Variants in WDR87 observed in about 807,000 individuals in gnomAD.
WDR87 encodes the protein WD repeat-containing protein 87.
In WDR87, 56 loss-of-function variants were observed where a neutral mutation model predicts 83.3. That is an observed-to-expected ratio of 0.67 (90% CI 0.54 to 0.84). WDR87 has a LOEUF of 0.84. WDR87 is among the 40% of genes least tolerant of loss of function. WDR87 has a pLI of 0.00. For synonymous variants in WDR87, 1,173 were observed against 1,250.6 expected, an observed-to-expected ratio of 0.94 and a Z score of 1.31; for missense variants, 2,939 against 3,431.9, an observed-to-expected ratio of 0.86 and a Z score of 3.59.
chr19:37,890,042 C>T lies in WDR87; in HGVS notation c.3629G>A (p.Arg1210Lys), dbSNP rs1294349929. Residue 1210 changes from arginine (R) to lysine (K), a missense_variant, in exon 6 of 6, where the codon AGG (arginine) becomes AAG (lysine). Arg to Lys is a conservative substitution (Grantham distance 26). This residue lies in a region of WDR87 where 2,160 missense variants were observed against 2,533.1 expected (regional missense o/e 0.85). Transcript: ENST00000447313. ...SKDHIALTLK[R>K]LQKIRDKRDK... ...TCTTTTGTCACGTATTTTCTGCAGC[C>T]TCTTCAGGGTCAATGCAATGTGATC... 1.3e-6 allele frequency: 2 copies of T among 1,551,654 alleles called. No homozygotes were observed. Among genetic ancestry groups the T allele is most frequent in the Non-Finnish European group, 1.7e-6 (2 of 1,147,002 alleles).
chr19:37,898,168 G>C lies in WDR87; in HGVS notation c.72C>G (p.Ser24Arg), dbSNP rs2046270845. The C allele has an allele frequency of 6.4e-7, 1 of 1,551,528 alleles. No individual in the cohort carries two copies. Among genetic ancestry groups the C allele is most frequent in the South Asian group, 1.2e-5 (1 of 84,062 alleles). Residue 24 changes from serine to arginine, a missense_variant, in exon 2 of 6, where the codon AGC becomes AGG. By Grantham distance (110) the Ser-to-Arg change is moderately radical (BLOSUM62 -1). Transcript: ENST00000447313. ...TTATGTCCTACATATACATTACCTT[G>C]CTTTTATTTATGGTGTCATTTAGGA... ...KLLLNDTINK[S>R]KQPSEDPKNC...
rs1568448578 is a variant in WDR87 at position 37,886,953 on chromosome 19, T to C, written c.6718A>G (p.Lys2240Glu). The change falls in exon 6 of 6, where the codon AAA (lysine) becomes GAA (glutamate). Residue 2240 changes from lysine to glutamate, a missense_variant. By Grantham distance (56) the Lys-to-Glu change is moderately conservative. Around this residue, in one of 3 missense-constraint regions of WDR87, gnomAD observed 2,160 missense variants for 2,533.1 expected, o/e 0.85. Transcript: ENST00000447313. The stretch of plus-strand genomic sequence containing the variant: ...GGTTTGTCACCTCTCTTGGCCTCTT[T>C]CCTCTTTCTCCACCTTCGTTTAAGG... The part of the protein sequence containing the change: ...PFLKRRWRKR[K>E]EAKRGDKPKE... The C allele has an allele frequency of 2.6e-6, 4 of 1,551,976 alleles. No homozygotes were observed. Among genetic ancestry groups the C allele is most frequent in the South Asian group, 1.2e-5 (1 of 83,986 alleles).
intron 2 of WDR87, among the ~76,000 whole-genome samples, chr19:37,897,018 T>A (rs1039818272): frequency 6.6e-6 from 1 of 152,170 alleles, no homozygotes; most frequent in African/African-American, 2.4e-5. Context: ...TACGCACACA[T>A]GGAATATAGC....
At position 37,885,352 on chromosome 19, in the gene WDR87, A is replaced by G. The variant is rs2046134044; in HGVS notation, c.8319T>C (p.His2773=). ...PLWETFVALY[H]VLRMLQQRYP... is the part of the protein sequence containing the mutation. ...ATCGCTGCTGCAGCATCCGCAAAAC[A>G]TGGTACAGTGCCACAAATGTCTCCC... The change falls in exon 6 of 6, where the codon CAT becomes CAC. Residue 2773 remains histidine (H), a synonymous_variant. Coordinates refer to ENST00000447313, the MANE Select transcript of WDR87 (RefSeq NM_001291088.2). The G allele has an allele frequency of 1.3e-6, 2 of 1,551,614 alleles. No individual in the cohort carries two copies. The highest frequency in any genetic ancestry group is 2.7e-5 in the African/African-American group (2 of 73,024).
Position 37,893,433 on chromosome 19 carries a change from C to T in WDR87, c.2270G>A (p.Ser757Asn). 1 of 1,552,144 alleles carries T rather than the reference C, an allele frequency of 6.4e-7. No homozygotes were observed. Among genetic ancestry groups the T allele is most frequent in the Non-Finnish European group, 8.7e-7 (1 of 1,147,108 alleles). The change falls in exon 4 of 6, where the codon AGC becomes AAC. Residue 757 changes from serine (S) to asparagine (N), a missense_variant. Ser to Asn is a conservative substitution (Grantham distance 46). Coordinates refer to ENST00000447313, the MANE Select transcript of WDR87 (RefSeq NM_001291088.2). ...PHVIEEDEEG[S>N]PVLLRSSMHY... Reference sequence around the variant, plus strand: ...CATGGAGGAACGCAGTAACACTGGGCTCCCTTCCTCATCTTCTTCTATCAC... The same window carrying T: ...CATGGAGGAACGCAGTAACACTGGGTTCCCTTCCTCATCTTCTTCTATCAC...
intron 5 of WDR87, 115 bp downstream of exon 5, chr19:37,891,437 C>T (rs112466758): frequency 8.2e-6 from 11 of 1,335,862 alleles, no homozygotes; most frequent in African/African-American, 1.5e-5. Flanking sequence ...GCTGGAATTA[C>T]AGGCATGAGC....
Position 37,889,711 on chromosome 19 carries a change from G to T in WDR87, c.3960C>A (p.His1320Gln), listed in dbSNP as rs367790255. The T allele has an allele frequency of 2.5e-5, 39 of 1,551,598 alleles. No homozygotes were observed. The African/African-American group carries it at 4.7e-4, about 19-fold the overall frequency. Reference protein sequence around the residue: ...TFAQEMLVDRHPSWELFQEIC... With the variant: ...TFAQEMLVDRQPSWELFQEIC... ...TCTCCTGAAAGAGTTCCCAGCTGGG[G>T]TGCCTATCTACCAGCATCTCCTGAG... Residue 1320 changes from histidine (H) to glutamine (Q), a missense_variant, in exon 6 of 6, where the codon CAC becomes CAA. Physicochemically the swap from His to Gln is conservative, Grantham distance 24. Transcript: ENST00000447313.
chr19:37,900,649 G>A (rs71354957), intron 1 of WDR87, among the ~76,000 whole-genome samples: 4 of 150,514 alleles, frequency 2.7e-5, no homozygotes, highest in Non-Finnish European at 5.9e-5. Context: ...CTGATGCTCA[G>A]AAGGCTCTCC....
chr19:37,895,504 A>G lies in WDR87; in HGVS notation c.247-48T>C, dbSNP rs752284657. The G allele has an allele frequency of 2.7e-6, 4 of 1,507,298 alleles. No individual in the cohort carries two copies. In the South Asian group the frequency reaches 5.1e-5, roughly 19 times the overall value. The allele number at this position is 1,507,298 out of a possible 1,614,324, so 93.4% of individuals were successfully genotyped here. A position where few individuals can be genotyped will look rare whatever the true frequency, so the allele number is the denominator to read the frequency against. ...CTGCCTAGGCCGGGTGAGGTGGTTC[A>G]TGCCTGTAATCCCAGCACTTTGGGA... On this transcript the variant is annotated intron_variant, in intron 3 of 5. Transcript: ENST00000447313.
In WDR87 at chr19:37,886,155, T is replaced by A; in HGVS notation, c.7516A>T (p.Met2506Leu). The A allele has an allele frequency of 6.4e-7, 1 of 1,551,740 alleles. No homozygotes were observed. Among genetic ancestry groups the A allele is most frequent in the East Asian group, 2.4e-5 (1 of 40,924 alleles). The stretch of plus-strand genomic sequence containing the variant: ...ACGGTCCTCCTTAATATGTGGGACA[T>A]AAATGGGGTCTTTAAGTCCTGTGCT... ...SQAQDLKTPF[M>L]SHILRRTVEA... The change falls in exon 6 of 6, where the codon ATG becomes TTG. Residue 2506 changes from methionine (M) to leucine (L), a missense_variant. By Grantham distance (15) the Met-to-Leu change is conservative. Around this residue, in one of 3 missense-constraint regions of WDR87, gnomAD observed 2,160 missense variants for 2,533.1 expected, o/e 0.85. Transcript: ENST00000447313.
At chr19:37,900,799 C>CT (rs1469535654) in intron 1 of WDR87, among the ~76,000 whole-genome samples, 2 of 151,826 alleles carry the variant, frequency 1.3e-5, no homozygotes, top group Non-Finnish European at 2.9e-5. Flanking sequence ...CCTGCACTTG[C>CT]TGCTCATTCT....
Position 37,892,807 on chromosome 19 carries a change from G to C in WDR87, c.2896C>G (p.Leu966Val). The stretch of plus-strand genomic sequence containing the variant: ...GGGTTGGAATTGGTTGTATCATTCA[G>C]TAGCCGACGGGCTGTCTCAGAGCGT... ...ALRSETARRL[L>V]NDTTNSNPLI... The change falls in exon 4 of 6, where the codon CTG becomes GTG. Residue 966 changes from leucine (L) to valine (V), a missense_variant. By Grantham distance (32) the Leu-to-Val change is conservative. Around this residue, in one of 3 missense-constraint regions of WDR87, gnomAD observed 2,160 missense variants for 2,533.1 expected, o/e 0.85. Transcript: ENST00000447313. The C allele has an allele frequency of 6.4e-7, 1 of 1,551,788 alleles. No homozygotes were observed. Among genetic ancestry groups the C allele is most frequent in the Non-Finnish European group, 8.7e-7 (1 of 1,147,020 alleles).
Position 37,894,488 on chromosome 19 carries a change from G to C in WDR87, c.1215C>G (p.Pro405=). 1.3e-6 allele frequency: 2 copies of C among 1,551,714 alleles called. No homozygotes were observed. The highest frequency in any genetic ancestry group is 1.7e-6 in the Non-Finnish European group (2 of 1,146,998). ...VTGDLLVITW[P]FSILDQAVDW... ...CCACAGCCTGGTCCAGGATTGAGAA[G>C]GGCCAGGTGATAACCAGAAGGTCCC... Residue 405 remains proline (P), a synonymous_variant, in exon 4 of 6, where the codon CCC becomes CCG. Transcript: ENST00000447313.
chr19:37,891,401 T>A, intron 5 of WDR87, 151 bp downstream of exon 5: 1 of 1,028,354 alleles, frequency 9.7e-7, no homozygotes, highest in Non-Finnish European at 1.4e-6. Context: ...TGACCTCAAG[T>A]GATCTGCCCA....
rs1332023420 is a variant in WDR87, at chr19:37,893,323, G to T, written c.2380C>A (p.Leu794Met). The T allele has an allele frequency of 6.4e-7, 1 of 1,551,746 alleles. No homozygotes were observed. The highest frequency in any genetic ancestry group is 8.7e-7 in the Non-Finnish European group (1 of 1,146,904). The change falls in exon 4 of 6, where the codon CTG (leucine) becomes ATG (methionine). Residue 794 changes from leucine to methionine, a missense_variant. Leu to Met is a conservative substitution (Grantham distance 15). Around this residue, in one of 3 missense-constraint regions of WDR87, gnomAD observed 2,160 missense variants for 2,533.1 expected, o/e 0.85. Transcript: ENST00000447313. ...GGGTTGAGTCCATCCCAGCTAGTCA[G>T]TTGTAGCTGGGGAGGAAGCACATAA... ...CHYVLPPQLQ[L>M]TSWDGLNPYQ...
Position 37,894,923 on chromosome 19 carries a change from G to T in WDR87, c.780C>A (p.Asn260Lys). Residue 260 changes from asparagine (N) to lysine (K), a missense_variant, in exon 4 of 6, where the codon AAC (asparagine) becomes AAA (lysine). Asn to Lys is a moderately conservative substitution (Grantham distance 94, BLOSUM62 0). This residue lies in a region of WDR87 where 553 missense variants were observed against 577.9 expected (regional missense o/e 0.96). Coordinates refer to ENST00000447313, the MANE Select transcript of WDR87 (RefSeq NM_001291088.2). Reference sequence around the variant, plus strand: ...TCCAAACTTGGATTTCCCCAGCTTGGTTTCCAGCATAGAGAAAGCCCTGAT... The same window carrying T: ...TCCAAACTTGGATTTCCCCAGCTTGTTTTCCAGCATAGAGAAAGCCCTGAT... ...CFDQGFLYAG[N>K]QAGEIQVWSL... 6.4e-7 allele frequency: 1 copy of T among 1,551,734 alleles called. No homozygotes were observed.
rs1353905932 is a variant in WDR87, at chr19:37,892,813, G to A, written c.2890C>T (p.Arg964Trp). The change falls in exon 4 of 6, where the codon CGG becomes TGG. Residue 964 changes from arginine (R) to tryptophan (W), a missense_variant. By Grantham distance (101) the Arg-to-Trp change is moderately radical (BLOSUM62 -3). Coordinates refer to ENST00000447313, the MANE Select transcript of WDR87 (RefSeq NM_001291088.2). ...SPALRSETAR[R>W]LLNDTTNSNP... ...GAATTGGTTGTATCATTCAGTAGCC[G>A]ACGGGCTGTCTCAGAGCGTAGGGCT... The A allele has an allele frequency of 1.0e-5, 16 of 1,551,740 alleles. No homozygotes were observed. Among genetic ancestry groups the A allele is most frequent in the Non-Finnish European group, 1.3e-5 (15 of 1,147,018 alleles).
Position 37,888,625 on chromosome 19 carries a change from T to A in WDR87, c.5046A>T (p.Thr1682=), listed in dbSNP as rs752583243. 388 of 1,551,986 alleles carry A rather than the reference T, an allele frequency of 2.5e-4. No homozygotes were observed. Among genetic ancestry groups the A allele is most frequent in the Non-Finnish European group, 3.1e-4 (355 of 1,147,100 alleles). The change falls in exon 6 of 6, where the codon ACA becomes ACT. Residue 1682 remains threonine (T), a synonymous_variant. Coordinates refer to ENST00000447313, the MANE Select transcript of WDR87 (RefSeq NM_001291088.2). Reference sequence around the variant, plus strand: ...TTAGCTTCTCCCCTCTTTGGGCCAGTGTTTCCTCTTTCTGGGCAAACTTAC... The same window carrying A: ...TTAGCTTCTCCCCTCTTTGGGCCAGAGTTTCCTCTTTCTGGGCAAACTTAC... ...AEGKFAQKEE[T]LAQRGEKLSQ...
intron 1 of WDR87, among the ~76,000 whole-genome samples, chr19:37,905,592 C>T (rs904631567): frequency 2.7e-5 from 4 of 150,152 alleles, no homozygotes; most frequent in African/African-American, 9.9e-5. Flanking sequence ...AGACAGGGTT[C>T]TGCTTTGTCG....
Sources: gnomAD v4.1 joint callset for allele counts (sites outside exome capture counted in the v4.1 genomes callset) on GRCh38, gnomAD v4.1.1 for gene constraint, gnomAD v4.1.1 regional missense constraint, MANE v1.5 for transcripts, NCBI Gene and HGNC (gene_info 2026-07-23, HGNC 2026-07-21) for gene names.